Variants in MCF2L2 observed in about 807,000 individuals in gnomAD.
MCF2L2 encodes probable guanine nucleotide exchange factor MCF2L2.
MCF2L2 carries 102 observed loss-of-function variants against 150.2 expected under a neutral mutation model. That is an observed-to-expected ratio of 0.68 (90% CI 0.58 to 0.80). MCF2L2 has a LOEUF of 0.80. Ranked by LOEUF, MCF2L2 falls within the 30% of genes least tolerant of loss-of-function variation. The probability of loss-of-function intolerance (pLI) is 0.00; values close to 1 mark genes in which losing one functional copy is unlikely to be tolerated. For missense variants in MCF2L2, 1,256 were observed against 1,372.8 expected, an observed-to-expected ratio of 0.91 and a Z score of 1.34; for synonymous variants, 465 against 491.3, an observed-to-expected ratio of 0.95 and a Z score of 0.71.
At chr3:183,296,834 C>T (rs1214196536) in intron 12 of MCF2L2, 142 bp downstream of exon 12, 10 of 833,494 alleles carry the variant, frequency 1.2e-5, no homozygotes, top group Middle Eastern at 3.4e-4. Flanking sequence ...TCTAAGAGGC[C>T]GCCGGAGGGC....
chr3:183,425,815 C>T (rs1001117773), intron 1 of MCF2L2, among the ~76,000 whole-genome samples: 2 of 152,040 alleles, frequency 1.3e-5, no homozygotes, highest in Admixed American at 6.5e-5. Context: ...ATTAGCCGGG[C>T]GTGGTGGCAC....
At position 183,379,415 on chromosome 3, in the gene MCF2L2, C is replaced by A; in HGVS notation, c.161-4G>T. 1.2e-6 allele frequency: 2 copies of A among 1,603,502 alleles called. No homozygotes were observed. The highest frequency in any genetic ancestry group is 1.7e-6 in the Non-Finnish European group (2 of 1,173,202). ...GCGCCATCCTCCCCTCGGCCTCCTGCAACAAAAACAGGTGGTCAAAATGTT... is the reference window on the plus strand; with the variant it reads ...GCGCCATCCTCCCCTCGGCCTCCTGAAACAAAAACAGGTGGTCAAAATGTT... On this transcript the variant is annotated splice_polypyrimidine_tract_variant and splice_region_variant and intron_variant, in intron 2 of 29. Coordinates refer to ENST00000328913, the MANE Select transcript of MCF2L2 (RefSeq NM_015078.4).
chr3:183,229,325 C>T (rs1723463086), intron 17 of MCF2L2, among the ~76,000 whole-genome samples: 1 of 152,196 alleles, frequency 6.6e-6, no homozygotes, highest in South Asian at 2.1e-4. Context: ...GTATCTTGGT[C>T]ATCTTTGTAT....
At chr3:183,297,190 T>G in intron 11 of MCF2L2, 23 bp from the exon 12 acceptor site, 1 of 1,606,802 alleles carries the variant, frequency 6.2e-7, no homozygotes, top group Non-Finnish European at 8.5e-7. Flanking sequence ...AACAGTGCCC[T>G]GTGCACTTCG....
In MCF2L2 at chr3:183,292,562, C is replaced by T. The variant is rs934790478; in HGVS notation, c.1675+2738G>A. Among the ~76,000 whole-genome samples, 177 of 145,592 alleles carry T rather than the reference C, an allele frequency of 1.2e-3. 1 individual carries two copies. The highest frequency in any genetic ancestry group is 3.9e-3 in the African/African-American group (150 of 38,390). The stretch of plus-strand genomic sequence containing the variant: ...TGGTGAATAAGGGGGTATGTACACA[C>T]ACACACACACACACACACACACACA... On this transcript the variant is annotated intron_variant, in intron 13 of 29. Transcript: ENST00000328913.
At chr3:183,360,826 G>A (rs185987349) in intron 3 of MCF2L2, among the ~76,000 whole-genome samples, 17 of 151,928 alleles carry the variant, frequency 1.1e-4, no homozygotes, top group African/African-American at 3.1e-4. Context: ...AAAATTAGCC[G>A]AGTGTGGTGG....
At chr3:183,380,657 C>T (rs1713470989) in intron 2 of MCF2L2, among the ~76,000 whole-genome samples, 1 of 152,224 alleles carries the variant, frequency 6.6e-6, no homozygotes. Context: ...CCGCCTCGGC[C>T]TCCCAAACTG....
intron 23 of MCF2L2, 70 bp downstream of exon 23, chr3:183,207,538 T>C: frequency 8.1e-7 from 1 of 1,227,406 alleles, no homozygotes. Context: ...TCCTCATCTG[T>C]AAAATAAGGA....
intron 25 of MCF2L2, among the ~76,000 whole-genome samples, chr3:183,204,564 T>A (rs1722406060): frequency 6.6e-6 from 1 of 152,086 alleles, no homozygotes; most frequent in South Asian, 2.1e-4. Context: ...CTGGTGTGAA[T>A]GTGAAATGGT....
At chr3:183,342,817 A>G (rs150727139) in intron 3 of MCF2L2, among the ~76,000 whole-genome samples, 7 of 152,298 alleles carry the variant, frequency 4.6e-5, no homozygotes, top group African/African-American at 7.2e-5. Context: ...GATATAGTAC[A>G]TGATAAGTAG....
rs10937121 is a variant in MCF2L2 at position 183,303,481 on chromosome 3, C to A, written c.1114-3285G>T. On this transcript the variant is annotated intron_variant, in intron 10 of 29. Coordinates refer to ENST00000328913, the MANE Select transcript of MCF2L2 (RefSeq NM_015078.4). ...ACTGCTTTAGCTGTTTACAGTAACA[C>A]AAGGAGTCACGGTAACTCCAGGTGC... Among the ~76,000 whole-genome samples the A allele has an allele frequency of 9.2e-5, 14 of 152,204 alleles. No homozygotes were observed. The South Asian group carries it at 2.9e-3, about 32-fold the overall frequency.
rs752838845 is a variant in MCF2L2 at position 183,270,249 on chromosome 3, C to A, written c.1862+6623G>T. The stretch of plus-strand genomic sequence containing the variant: ...ACAAAGAAAACTGGCTTGGGAAGAT[C>A]AAAGGTACAATGATATAATTCAGCA... On this transcript the variant is annotated intron_variant, in intron 15 of 29. Coordinates refer to ENST00000328913, the MANE Select transcript of MCF2L2 (RefSeq NM_015078.4). The surrounding 1 kb of genome is among the most constrained non-coding windows in gnomAD (Gnocchi z 4.5). 11 of 1,613,998 alleles carry A rather than the reference C, an allele frequency of 6.8e-6. No homozygotes were observed. Among genetic ancestry groups the A allele is most frequent in the Admixed American group, 1.7e-5 (1 of 60,006 alleles).
chr3:183,197,806 A>G lies in MCF2L2; in HGVS notation c.2885-2551T>C, dbSNP rs1300039694. 3.3e-5 allele frequency among the ~76,000 whole-genome samples: 5 copies of G among 152,212 alleles called. No homozygotes were observed. Among genetic ancestry groups the G allele is most frequent in the Admixed American group, 3.3e-4 (5 of 15,286 alleles). On this transcript the variant is annotated intron_variant, in intron 25 of 29. Transcript: ENST00000328913. The surrounding 1 kb of genome is among the most constrained non-coding windows in gnomAD (Gnocchi z 4.5). Reference sequence around the variant, plus strand: ...ACAGACACTTCACCAAAGAAGAGATAAAGATGGCAAAGAAGCACATAAAGA... The same window carrying G: ...ACAGACACTTCACCAAAGAAGAGATGAAGATGGCAAAGAAGCACATAAAGA...
chr3:183,399,147 CTTCTCT>C (rs1413815003), intron 1 of MCF2L2, among the ~76,000 whole-genome samples: 3 of 152,126 alleles, frequency 2.0e-5, no homozygotes, highest in Admixed American at 2.0e-4. Flanking sequence ...ACAAGTTGTC[CTTCTCT>C]AAGTAGCAAA....
At chr3:183,278,304 TG>T (rs1727283043) in intron 14 of MCF2L2, among the ~76,000 whole-genome samples, 1 of 151,692 alleles carries the variant, frequency 6.6e-6, no homozygotes, top group Non-Finnish European at 1.5e-5. Flanking sequence ...TGTGTGTGTG[TG>T]TGTTATGATG....
chr3:183,345,295 T>C (rs1486093837), intron 3 of MCF2L2, among the ~76,000 whole-genome samples: 1 of 152,188 alleles, frequency 6.6e-6, no homozygotes, highest in Non-Finnish European at 1.5e-5. Context: ...ACATGGAATC[T>C]GAACAAACTG....
At chr3:183,317,566 A>AAC (rs1729651249) in intron 7 of MCF2L2, among the ~76,000 whole-genome samples, 1 of 152,038 alleles carries the variant, frequency 6.6e-6, no homozygotes, top group African/African-American at 2.4e-5. Flanking sequence ...TTCATCCCCA[A>AAC]ATAAAAAGAT....
At chr3:183,238,670 C>T (rs1446373547) in intron 15 of MCF2L2, among the ~76,000 whole-genome samples, 2 of 151,612 alleles carry the variant, frequency 1.3e-5, no homozygotes, top group Non-Finnish European at 2.9e-5. Flanking sequence ...AAAGATTGGA[C>T]ACCCCTGTTC....
chr3:183,195,084 A>G (rs867854216), intron 26 of MCF2L2, 138 bp downstream of exon 26: 8 of 752,322 alleles, frequency 1.1e-5, no homozygotes, highest in Middle Eastern at 4.9e-4. Context: ...CGCCCAGCCA[A>G]TATTTTTTAA....
Sources: allele counts gnomAD v4.1 joint callset (sites outside exome capture counted in the v4.1 genomes callset), GRCh38; gene constraint gnomAD v4.1.1; non-coding constraint Gnocchi (gnomAD v3.1); transcripts MANE v1.5; gene names NCBI Gene and HGNC (gene_info 2026-07-23, HGNC 2026-07-21).